The following POTEE variants were observed in gnomAD, a reference collection of about 807,000 sequenced individuals.
The protein encoded by POTEE is ANKRD26-like family C member 1A.
Under a neutral mutation model 74.2 loss-of-function variants are expected in POTEE, and 21 were observed. The observed-to-expected ratio is 0.28, with a 90% CI of 0.20 to 0.41. The LOEUF (loss-of-function observed/expected upper bound fraction) is 0.41. Among genes scored for constraint, POTEE ranks in the 10% least tolerant of loss-of-function variants. The probability of loss-of-function intolerance (pLI) is 1.00; values close to 1 mark genes in which losing one functional copy is unlikely to be tolerated. For missense variants in POTEE, 525 were observed against 1,158.6 expected (o/e 0.45, Z 7.94); for synonymous variants, 211 against 432.8 (o/e 0.49, Z 6.36).
In POTEE at chr2:131,263,924, G is replaced by C. The variant is rs1204846360; in HGVS notation, c.2469G>C (p.Met823Ile). The change falls in exon 18 of 18, where the codon ATG becomes ATC. Residue 823 changes from methionine to isoleucine, a missense_variant. Coordinates refer to ENST00000683005, the MANE Select transcript of POTEE (RefSeq NM_001083538.3). Reference sequence around the variant, plus strand: ...ACCGCGAGAAGATGACCCAGATCATGTTTGAGACCTTCAACACCCCAGCCA... The same window carrying C: ...ACCGCGAGAAGATGACCCAGATCATCTTTGAGACCTTCAACACCCCAGCCA... Reference protein sequence around the residue: ...KANREKMTQIMFETFNTPAMY... With the variant: ...KANREKMTQIIFETFNTPAMY... The C allele has an allele frequency of 6.2e-7, 1 of 1,614,180 alleles. No homozygotes were observed. Among genetic ancestry groups the C allele is most frequent in the Admixed American group, 1.7e-5 (1 of 60,034 alleles).
intron 6 of POTEE, among the ~76,000 whole-genome samples, chr2:131,225,584 T>C (rs1700758459): frequency 7.8e-6 from 1 of 128,084 alleles, no homozygotes; most frequent in Admixed American, 8.4e-5. Context: ...TTTTTTTTTT[T>C]GAGATGGGGT....
chr2:131,227,001 T>G (rs1430302620), intron 7 of POTEE, 72 bp downstream of exon 7: 4 of 1,567,602 alleles, frequency 2.6e-6, no homozygotes, highest in African/African-American at 1.4e-5. Flanking sequence ...ATTAAATTAA[T>G]AAGATTAATG....
intron 12 of POTEE, among the ~76,000 whole-genome samples, chr2:131,243,235 GTC>G (rs1701281967): frequency 6.6e-6 from 1 of 152,116 alleles, no homozygotes; most frequent in African/African-American, 2.4e-5. Flanking sequence ...GTTTCTTAGA[GTC>G]TTTGATATAC....
At chr2:131,215,109 A>G (rs953699555) in intron 2 of POTEE, among the ~76,000 whole-genome samples, 5 of 151,104 alleles carry the variant, frequency 3.3e-5, no homozygotes, top group South Asian at 2.1e-4. Flanking sequence ...AATGCTTATA[A>G]TGTGTCACAA....
At chr2:131,258,976 C>G (rs1701639335) in intron 16 of POTEE, among the ~76,000 whole-genome samples, 1 of 30,324 alleles carries the variant, frequency 3.3e-5, no homozygotes, top group Non-Finnish European at 7.6e-5. Flanking sequence ...TCTCTCTTCT[C>G]TCTCTCCTGC....
intron 4 of POTEE, among the ~76,000 whole-genome samples, chr2:131,221,118 A>G (rs1172612299): frequency 6.6e-6 from 1 of 152,156 alleles, no homozygotes; most frequent in Admixed American, 6.5e-5. Flanking sequence ...CATTTTAAAA[A>G]TGTTATGCTT....
chr2:131,224,069 A>G, intron 6 of POTEE, 26 bp downstream of exon 6: 1 of 869,004 alleles, frequency 1.2e-6, no homozygotes. Flanking sequence ...TTTTATCTTC[A>G]AAATACTGAA....
chr2:131,228,762 C>T (rs1700858055), intron 8 of POTEE, among the ~76,000 whole-genome samples: 1 of 146,906 alleles, frequency 6.8e-6, no homozygotes, highest in Non-Finnish European at 1.5e-5. Context: ...GGACTATGTC[C>T]TACATACTCC....
rs997467163 is a variant in POTEE, at chr2:131,222,887, G to A, written c.522-709G>A. Among the ~76,000 whole-genome samples, 59 of 151,772 alleles carry A rather than the reference G, an allele frequency of 3.9e-4. 1 individual carries two copies. The highest frequency in any genetic ancestry group is 3.4e-3 in the Middle Eastern group (1 of 294). On this transcript the variant is annotated intron_variant, in intron 4 of 17. Transcript: ENST00000683005. ...CTGGTCATCTGACTGGAACCGCCCC[G>A]GACCTGTTATAACATATTCTACTTC...
chr2:131,238,237 A>AGGT lies in POTEE; in HGVS notation c.1242_1242+2dup. ...GAAATAAATAAGGATGGTGATAGAGAGGTATACCTTCATATTCAAATGTTT... is the reference window on the plus strand; with the variant it reads ...GAAATAAATAAGGATGGTGATAGAGAGGTGGTATACCTTCATATTCAAATGTTT... On this transcript the variant is annotated inframe_insertion and splice_region_variant, in exon 11 of 18. Transcript: ENST00000683005. 6.3e-7 allele frequency: 1 copy of AGGT among 1,585,434 alleles called. No homozygotes were observed. The highest frequency in any genetic ancestry group is 1.2e-5 in the South Asian group (1 of 86,418).
chr2:131,253,390 T>C, intron 16 of POTEE, among the ~76,000 whole-genome samples: 1 of 143,198 alleles, frequency 7.0e-6, no homozygotes, highest in South Asian at 2.3e-4. Context: ...ATTATATAGG[T>C]AAACTGTATC....
chr2:131,221,422 A>G (rs1260445593), intron 4 of POTEE, among the ~76,000 whole-genome samples: 1 of 152,166 alleles, frequency 6.6e-6, no homozygotes, highest in African/African-American at 2.4e-5. Flanking sequence ...TAGAAAATAT[A>G]ATCAAACTTG....
At position 131,211,725 on chromosome 2, in the gene POTEE, T is replaced by G. The variant is rs1395381325; in HGVS notation, c.-189+542T>G. Among the ~76,000 whole-genome samples, 4 of 151,304 alleles carry G rather than the reference T, an allele frequency of 2.6e-5. No individual in the cohort carries two copies. In the East Asian group the frequency reaches 7.8e-4, roughly 30 times the overall value. On this transcript the variant is annotated intron_variant, in intron 2 of 17. Transcript: ENST00000683005. ...CTGCCACCACGCCCAGCCAATTTTA[T>G]TTTTGTATTTTTAGTAGAGATGGGG...
intron 13 of POTEE, among the ~76,000 whole-genome samples, chr2:131,246,310 A>AT (rs1701355982): frequency 9.2e-6 from 1 of 109,288 alleles, no homozygotes; most frequent in Non-Finnish European, 1.8e-5. Flanking sequence ...ATAATGTACA[A>AT]TTTTCCCAAT....
At position 131,218,779 on chromosome 2, in the gene POTEE, G is replaced by T; in HGVS notation, c.377G>T (p.Ser126Ile). ...GGCGCTTGGGGAGACTACGATGACA[G>T]CGCCTTCATGGAGCCCAGGTACCAC... ...KVGAWGDYDD[S>I]AFMEPRYHVR... Residue 126 changes from serine to isoleucine, a missense_variant, in exon 4 of 18, where the codon AGC (serine) becomes ATC (isoleucine). Transcript: ENST00000683005. The T allele has an allele frequency of 1.2e-6, 2 of 1,612,756 alleles. No homozygotes were observed. Among genetic ancestry groups the T allele is most frequent in the Non-Finnish European group, 1.7e-6 (2 of 1,179,802 alleles).
chr2:131,211,446 C>T (rs1700355056), intron 2 of POTEE, among the ~76,000 whole-genome samples: 1 of 142,794 alleles, frequency 7.0e-6, no homozygotes, highest in Non-Finnish European at 1.5e-5. Flanking sequence ...CTTGCAATCT[C>T]TGGAGGGTGG....
At chr2:131,223,572 TAA>T (rs1700690499) in intron 4 of POTEE, 22 bp from the exon 5 acceptor site, 1 of 1,611,764 alleles carries the variant, frequency 6.2e-7, no homozygotes, top group Admixed American at 1.7e-5. Flanking sequence ...TACAATTTCC[TAA>T]AAAGTCTTGT....
chr2:131,223,543 A>C, intron 4 of POTEE, 53 bp from the exon 5 acceptor site: 1 of 1,609,676 alleles, frequency 6.2e-7, no homozygotes, highest in Non-Finnish European at 8.5e-7. Flanking sequence ...AATCATTGCT[A>C]TGGCTGTAGC....
In POTEE at chr2:131,263,881, C is replaced by G. The variant is rs560370313; in HGVS notation, c.2426C>G (p.Pro809Arg). Residue 809 changes from proline to arginine, a missense_variant, in exon 18 of 18, where the codon CCC becomes CGC. Coordinates refer to ENST00000683005, the MANE Select transcript of POTEE (RefSeq NM_001083538.3). ...CACCCCATCCTGCTGACCGAGGCCCCCCTGAACCCCAAGGCCAACCGCGAG... is the reference window on the plus strand; with the variant it reads ...CACCCCATCCTGCTGACCGAGGCCCGCCTGAACCCCAAGGCCAACCGCGAG... ...EEHPILLTEAPLNPKANREKM... is the reference protein window; with the variant it reads ...EEHPILLTEARLNPKANREKM... 6.2e-7 allele frequency: 1 copy of G among 1,614,174 alleles called. No homozygotes were observed. The highest frequency in any genetic ancestry group is 8.5e-7 in the Non-Finnish European group (1 of 1,180,030).
Sources: gnomAD v4.1 joint callset for allele counts (sites outside exome capture counted in the v4.1 genomes callset) on GRCh38, gnomAD v4.1.1 for gene constraint, MANE v1.5 for transcripts, NCBI Gene and HGNC (gene_info 2026-07-23, HGNC 2026-07-21) for gene names.